Variants in ATL3 observed in about 807,000 individuals in gnomAD.
The protein encoded by ATL3 is atlastin-3.
ATL3 carries 49 observed loss-of-function variants against 69.5 expected under a neutral mutation model. The ratio of observed to expected loss-of-function variants is 0.71; its 90% CI spans 0.56 to 0.89. The LOEUF is 0.89. ATL3 is among the 40% of genes least tolerant of loss of function. The pLI, the probability that ATL3 is intolerant of heterozygous loss-of-function variation, is 0.00. For missense variants in ATL3, 606 were observed against 645.7 expected, an observed-to-expected ratio of 0.94 and a Z score of 0.67; for synonymous variants, 214 against 224.1, an observed-to-expected ratio of 0.95 and a Z score of 0.40.
intron 1 of ATL3, among the ~76,000 whole-genome samples, chr11:63,661,092 G>A (rs538798746): frequency 3.3e-5 from 5 of 151,668 alleles, no homozygotes; most frequent in East Asian, 3.9e-4. Flanking sequence ...GCGTGGTGTC[G>A]CACGCCTGTG....
At chr11:63,660,429 G>A (rs1940385927) in intron 1 of ATL3, among the ~76,000 whole-genome samples, 1 of 152,106 alleles carries the variant, frequency 6.6e-6, no homozygotes, top group Non-Finnish European at 1.5e-5. Flanking sequence ...ATCAACTGTG[G>A]GACAGGGTAT....
At chr11:63,631,586 A>G (rs1407470255) in intron 11 of ATL3, 115 bp from the exon 12 acceptor site, 20 of 959,722 alleles carry the variant, frequency 2.1e-5, no homozygotes, top group Non-Finnish European at 2.9e-5. Flanking sequence ...CAATGTATTA[A>G]TAAGTTAACT....
At position 63,658,799 on chromosome 11, in the gene ATL3, T is replaced by C; in HGVS notation, c.367A>G (p.Ser123Gly). 6.2e-7 allele frequency: 1 copy of C among 1,611,908 alleles called. No homozygotes were observed. Among genetic ancestry groups the C allele is most frequent in the Non-Finnish European group, 8.5e-7 (1 of 1,179,284 alleles). The change falls in exon 3 of 13, where the codon AGT becomes GGT. Residue 123 changes from serine (S) to glycine (G), a missense_variant. Ser to Gly is a moderately conservative substitution (Grantham distance 56). Coordinates refer to ENST00000398868, the MANE Select transcript of ATL3 (RefSeq NM_015459.5). ...DPETTGIQIW[S>G]EVFTVEKPGG... ...GGCTTCTCCACAGTGAAAACTTCAC[T>C]CCAGATTTGAATCCCAGTGGTTTCT...
At chr11:63,646,808 C>T (rs1008980664) in intron 5 of ATL3, among the ~76,000 whole-genome samples, 2 of 152,148 alleles carry the variant, frequency 1.3e-5, no homozygotes, top group Non-Finnish European at 2.9e-5. Flanking sequence ...CTGCAATAGC[C>T]TCCTAACTGC....
At chr11:63,655,416 G>C in intron 3 of ATL3, among the ~76,000 whole-genome samples, 1 of 151,456 alleles carries the variant, frequency 6.6e-6, no homozygotes, top group East Asian at 2.0e-4. Context: ...CTCCCAAAGT[G>C]CTGGGAATAC....
chr11:63,671,294 T>C lies in ATL3; in HGVS notation c.42A>G (p.Gly14=). The change falls in exon 1 of 13, where the codon GGA becomes GGG. Residue 14 remains glycine (G), a synonymous_variant. Transcript: ENST00000398868. ...CAGGGAAAATCGGCGCCTCACCTGC[T>C]CCTCTTGAGGCAGCTGCTGCCACTC... ...PQRVAAAASR[G]ADDAMESSKP... is the part of the protein sequence containing the mutation. 1.3e-6 allele frequency: 2 copies of C among 1,585,614 alleles called. No homozygotes were observed. The highest frequency in any genetic ancestry group is 1.7e-6 in the Non-Finnish European group (2 of 1,167,896).
chr11:63,655,551 G>A (rs748814488), intron 3 of ATL3, among the ~76,000 whole-genome samples: 10 of 150,644 alleles, frequency 6.6e-5, no homozygotes, highest in South Asian at 6.3e-4. Flanking sequence ...GGGTTCCAGC[G>A]ATTCTCCCAC....
At chr11:63,631,555 T>G in intron 11 of ATL3, 84 bp from the exon 12 acceptor site, 2 of 1,204,826 alleles carry the variant, frequency 1.7e-6, no homozygotes, top group Non-Finnish European at 2.3e-6. Flanking sequence ...ATGAAAGGAT[T>G]AGAATGTTTT....
chr11:63,646,094 G>A (rs931350662), intron 6 of ATL3, among the ~76,000 whole-genome samples: 1 of 151,818 alleles, frequency 6.6e-6, no homozygotes, highest in African/African-American at 2.4e-5. Context: ...TTGCTATGTT[G>A]CCCAGGCTGG....
intron 8 of ATL3, chr11:63,637,744 C>T (rs913326271): frequency 6.6e-6 from 1 of 152,038 alleles, no homozygotes; most frequent in Admixed American, 6.6e-5. Flanking sequence ...AGGTAGGAGC[C>T]CACATCAAAT....
rs994803025 is a variant in ATL3, at chr11:63,628,803, T to C, written c.*516A>G. 1 of 126,140 alleles carries C rather than the reference T, an allele frequency of 7.9e-6. No individual in the cohort carries two copies. The highest frequency in any genetic ancestry group is 3.1e-5 in the African/African-American group (1 of 31,854). The allele number at this position is 126,140 out of a possible 1,614,324, so 7.8% of individuals were successfully genotyped here. Reference sequence around the variant, plus strand: ...GTGAGCCAAGATCACACCACTGCACTCAAGCCTGGTGACAGAGCGAGACTC... The same window carrying C: ...GTGAGCCAAGATCACACCACTGCACCCAAGCCTGGTGACAGAGCGAGACTC... On this transcript the variant is annotated 3_prime_UTR_variant, in exon 13 of 13. Coordinates refer to ENST00000398868, the MANE Select transcript of ATL3 (RefSeq NM_015459.5).
At chr11:63,670,952 CGCCGCCCACGGGGACCACCGGCCCTTGG>C (rs1940750740) in intron 1 of ATL3, among the ~76,000 whole-genome samples, 1 of 151,978 alleles carries the variant, frequency 6.6e-6, no homozygotes, top group Non-Finnish European at 1.5e-5. Context: ...AAGCTCCGGA[CGCCGCCCACGGGGACCACCGGCCCTTGG>C]GCCGCCCAGG....
chr11:63,657,892 T>C (rs1170055368), intron 3 of ATL3, among the ~76,000 whole-genome samples: 3 of 150,384 alleles, frequency 2.0e-5, no homozygotes, highest in African/African-American at 4.9e-5. Context: ...AGTCTCGTAC[T>C]GTCGCCCGAG....
rs1424331759 is a variant in ATL3 at position 63,624,090 on chromosome 11, T to A, written c.*5229A>T. 6.6e-6 allele frequency: 1 copy of A among 152,186 alleles called. No individual in the cohort carries two copies. Among genetic ancestry groups the A allele is most frequent in the Non-Finnish European group, 1.5e-5 (1 of 68,040 alleles). The allele number at this position is 152,186 out of a possible 1,614,324, so 9.4% of individuals were successfully genotyped here. A position where few individuals can be genotyped will look rare whatever the true frequency, so the allele number is the denominator to read the frequency against. On this transcript the variant is annotated 3_prime_UTR_variant, in exon 13 of 13. Transcript: ENST00000398868. ...GAGAAAGAAAACACAGATAACATGG[T>A]GTTGTGATCTTTATTCCATTAAATG...
At position 63,645,540 on chromosome 11, in the gene ATL3, C is replaced by CAG. The variant is rs113638692; in HGVS notation, c.618+965_618+966dup. Among the ~76,000 whole-genome samples the CAG allele has an allele frequency of 6.6e-3, 998 of 150,440 alleles. 7 individuals are homozygous for CAG. Among genetic ancestry groups the CAG allele is most frequent in the African/African-American group, 0.023 (953 of 40,968 alleles). On this transcript the variant is annotated intron_variant, in intron 6 of 12. Coordinates refer to ENST00000398868, the MANE Select transcript of ATL3 (RefSeq NM_015459.5). The stretch of plus-strand genomic sequence containing the variant: ...GGCATAGGTCAGCAAAGACTTTTTG[C>CAG]AGAGAGAGAGAGAGAGAGAGAGACA...
intron 3 of ATL3, 47 bp from the exon 4 acceptor site, chr11:63,652,622 G>A (rs1306878475): frequency 7.1e-7 from 1 of 1,407,604 alleles, no homozygotes; most frequent in Non-Finnish European, 1.0e-6. Flanking sequence ...CTAAGAAGGA[G>A]GAAACCGTAA....
chr11:63,671,401 C>T (rs1201890413), upstream of ATL3: 6 of 1,526,638 alleles, frequency 3.9e-6, no homozygotes, highest in Non-Finnish European at 5.3e-6. Context: ...CGGGCGGGAA[C>T]GAACCGGGCC....
At chr11:63,637,277 GAAA>G (rs56386158) in intron 8 of ATL3, among the ~76,000 whole-genome samples, 1 of 140,076 alleles carries the variant, frequency 7.1e-6, no homozygotes, top group Non-Finnish European at 1.6e-5. Context: ...CTCCATCTCA[GAAA>G]AAAAAAAAAA....
chr11:63,640,118 G>A (rs955282426), intron 8 of ATL3, among the ~76,000 whole-genome samples: 1 of 152,056 alleles, frequency 6.6e-6, no homozygotes, highest in African/African-American at 2.4e-5. Flanking sequence ...AGTAGCGATG[G>A]GGTTTCTCCA....
Sources: gnomAD v4.1 joint callset for allele counts (sites outside exome capture counted in the v4.1 genomes callset) on GRCh38, gnomAD v4.1.1 for gene constraint, MANE v1.5 for transcripts, NCBI Gene and HGNC (gene_info 2026-07-23, HGNC 2026-07-21) for gene names.